Variants in CDH23 observed in about 807,000 individuals in gnomAD.
CDH23 encodes the protein cadherin related 23.
A neutral mutation model predicts 317.1 loss-of-function variants in CDH23; 189 were observed. The ratio of observed to expected loss-of-function variants is 0.60; its 90% CI spans 0.53 to 0.67. CDH23 has a LOEUF of 0.67. CDH23 is among the 30% of genes least tolerant of loss of function. The probability of loss-of-function intolerance (pLI) is 0.00; values close to 1 mark genes in which losing one functional copy is unlikely to be tolerated. For synonymous variants in CDH23, 1,839 were observed against 1,876.8 expected (o/e 0.98, Z 0.52); for missense variants, 4,401 against 4,592.4 (o/e 0.96, Z 1.20).
chr10:71,718,320 C>G (rs903730112), intron 28 of CDH23, among the ~76,000 whole-genome samples: 17 of 152,230 alleles, frequency 1.1e-4, no homozygotes, highest in Non-Finnish European at 4.4e-5. Context: ...GCTCCCTGCG[C>G]CCAGCCAACT....
At chr10:71,695,325 G>T in intron 21 of CDH23, 93 bp from the exon 22 acceptor site, 1 of 869,312 alleles carries the variant, frequency 1.2e-6, no homozygotes, top group Non-Finnish European at 2.0e-6. Flanking sequence ...TGCGAAGATT[G>T]CCCGTGGGCA....
At chr10:71,692,251 A>G (rs113606870) in intron 20 of CDH23, among the ~76,000 whole-genome samples, 7 of 152,312 alleles carry the variant, frequency 4.6e-5, no homozygotes, top group African/African-American at 1.7e-4. Context: ...AGGCGCCATT[A>G]TATGAGTAGC....
rs1370820719 is a variant in CDH23, at chr10:71,803,269, A to G, written c.7721A>G (p.Tyr2574Cys). ...LVTTQRPLQSYEKFSLTVVAT... is the reference protein window; with the variant it reads ...LVTTQRPLQSCEKFSLTVVAT... The stretch of plus-strand genomic sequence containing the variant: ...ACCACACAGCGGCCACTGCAGTCCT[A>G]CGAGAAGTTCAGTCTGACCGTGGTG... The change falls in exon 55 of 70, where the codon TAC becomes TGC. Residue 2574 changes from tyrosine to cysteine, a missense_variant. Physicochemically the swap from Tyr to Cys is radical, Grantham distance 194. This residue lies in a region of CDH23 where 1,144 missense variants were observed against 1,138.2 expected (regional missense o/e 1.01). Coordinates refer to ENST00000224721, the MANE Select transcript of CDH23 (RefSeq NM_022124.6). 3 of 1,593,766 alleles carry G rather than the reference A, an allele frequency of 1.9e-6. No homozygotes were observed. The highest frequency in any genetic ancestry group is 1.1e-5 in the South Asian group (1 of 88,240).
intron 31 of CDH23, among the ~76,000 whole-genome samples, chr10:71,731,381 AT>A (rs1839380428): frequency 6.6e-6 from 1 of 152,144 alleles, no homozygotes; most frequent in East Asian, 1.9e-4. Context: ...ATGGCTGCAA[AT>A]TCTCAGGCGG....
At chr10:71,452,089 G>T (rs1850474853) in intron 3 of CDH23, among the ~76,000 whole-genome samples, 1 of 152,188 alleles carries the variant, frequency 6.6e-6, no homozygotes. Context: ...TGTGCCAGAG[G>T]TCCTGTTTTT....
At chr10:71,447,493 G>A (rs1156775013) in intron 3 of CDH23, among the ~76,000 whole-genome samples, 2 of 152,146 alleles carry the variant, frequency 1.3e-5, no homozygotes, top group African/African-American at 2.4e-5. Flanking sequence ...CCCAGCAGGT[G>A]TGTGTCTGGC....
chr10:71,502,949 A>C (rs978597368), intron 3 of CDH23, among the ~76,000 whole-genome samples: 1 of 152,236 alleles, frequency 6.6e-6, no homozygotes, highest in East Asian at 1.9e-4. Flanking sequence ...CTCATCTAGC[A>C]GGTACTGCTC....
intron 45 of CDH23, among the ~76,000 whole-genome samples, chr10:71,789,255 A>G (rs1170862496): frequency 6.6e-6 from 1 of 152,112 alleles, no homozygotes; most frequent in Non-Finnish European, 1.5e-5. Context: ...GTTGGAAGAG[A>G]CAGTCGTGGT....
chr10:71,404,143 T>C (rs7919846), intron 1 of CDH23, among the ~76,000 whole-genome samples: 76,140 of 152,110 alleles, frequency 0.5, 23,344 homozygotes, highest in African/African-American at 0.87. Context: ...CATAAAATAA[T>C]GTCAACAGAT....
Position 71,798,525 on chromosome 10 carries a change from C to A in CDH23, c.7001C>A (p.Thr2334Asn), listed in dbSNP as rs1841467615. Residue 2334 changes from threonine to asparagine, a missense_variant, in exon 50 of 70, where the codon ACC becomes AAC. Coordinates refer to ENST00000224721, the MANE Select transcript of CDH23 (RefSeq NM_022124.6). ...GGCCTTAATGGGCTGGTCACCTACA[C>A]CCTGCTGGACCTGGTGCCCCCAGGG... ...DKGLNGLVTY[T>N]LLDLVPPGYV... The A allele has an allele frequency of 6.2e-7, 1 of 1,613,606 alleles. No homozygotes were observed. Among genetic ancestry groups the A allele is most frequent in the African/African-American group, 1.3e-5 (1 of 74,928 alleles).
chr10:71,672,060 G>T (rs781513426), intron 14 of CDH23, among the ~76,000 whole-genome samples: 3 of 152,020 alleles, frequency 2.0e-5, no homozygotes, highest in African/African-American at 7.2e-5. Flanking sequence ...TGGGGGAGAC[G>T]CACGTTAACC....
chr10:71,583,622 C>CT (rs1272407517), intron 9 of CDH23, among the ~76,000 whole-genome samples: 1 of 152,144 alleles, frequency 6.6e-6, no homozygotes, highest in Non-Finnish European at 1.5e-5. Context: ...GCTCTGTCCT[C>CT]TTTTCATGCT....
At chr10:71,465,892 A>G (rs1035972381) in intron 3 of CDH23, among the ~76,000 whole-genome samples, 12 of 152,224 alleles carry the variant, frequency 7.9e-5, no homozygotes, top group Admixed American at 7.9e-4. Flanking sequence ...AACACCAGAG[A>G]GGAAAAATAT....
chr10:71,522,837 G>A (rs558586006), intron 6 of CDH23, among the ~76,000 whole-genome samples: 2 of 152,214 alleles, frequency 1.3e-5, no homozygotes, highest in East Asian at 3.9e-4. Context: ...AAGGAGAGGG[G>A]TCTTTTCCCC....
chr10:71,529,060 A>G (rs566112384), intron 6 of CDH23, among the ~76,000 whole-genome samples: 9 of 152,094 alleles, frequency 5.9e-5, no homozygotes, highest in African/African-American at 2.2e-4. Flanking sequence ...CTCTGCCACT[A>G]TTTGGACAAC....
intron 20 of CDH23, among the ~76,000 whole-genome samples, chr10:71,691,540 C>CA (rs11380409): frequency 0.26 from 40,150 of 152,006 alleles, 5,614 homozygotes; most frequent in South Asian, 0.38. Flanking sequence ...AATACAAATT[C>CA]AAATTCATAT....
intron 25 of CDH23, among the ~76,000 whole-genome samples, chr10:71,706,690 G>A (rs1419941728): frequency 6.6e-6 from 1 of 152,250 alleles, no homozygotes; most frequent in Non-Finnish European, 1.5e-5. Context: ...GGAGGGTCTG[G>A]AGCACTGGTG....
intron 1 of CDH23, among the ~76,000 whole-genome samples, chr10:71,399,804 A>G (rs1176986807): frequency 6.6e-6 from 1 of 152,094 alleles, no homozygotes; most frequent in African/African-American, 2.4e-5. Flanking sequence ...ACCCCTGCAC[A>G]TGGGCCAGAA....
intron 38 of CDH23, among the ~76,000 whole-genome samples, chr10:71,746,386 A>C (rs566201555): frequency 1.3e-5 from 2 of 152,346 alleles, no homozygotes; most frequent in South Asian, 4.1e-4. Context: ...ACATTCCTGC[A>C]AACAGCCTAG....
Sources: gnomAD v4.1 joint callset for allele counts (sites outside exome capture counted in the v4.1 genomes callset) on GRCh38, gnomAD v4.1.1 for gene constraint, gnomAD v4.1.1 regional missense constraint, MANE v1.5 for transcripts, NCBI Gene and HGNC (gene_info 2026-07-23, HGNC 2026-07-21) for gene names.